EYS: variants seen among roughly 807,000 people sequenced by gnomAD.
EYS encodes protein eyes shut homolog.
In EYS, 250 loss-of-function variants were observed where a neutral mutation model predicts 282.1. The ratio of observed to expected loss-of-function variants is 0.89; its 90% confidence interval spans 0.80 to 0.98. The LOEUF is 0.98. Among genes scored for constraint, EYS ranks in the 50% least tolerant of loss-of-function variants. EYS has a pLI of 0.00. For synonymous variants in EYS, 1,355 were observed against 1,282.9 expected (o/e 1.06, Z -1.20); for missense variants, 4,016 against 3,709.0 (o/e 1.08, Z -2.15).
At chr6:64,621,967 G>A (rs904772561) in intron 23 of EYS, among the ~76,000 whole-genome samples, 2 of 151,916 alleles carry the variant, frequency 1.3e-5, no homozygotes, top group African/African-American at 4.8e-5. Flanking sequence ...GTACTATTTC[G>A]GCTAAAAACA....
chr6:63,727,226 T>G (rs1335385842), intron 41 of EYS, among the ~76,000 whole-genome samples: 2 of 152,050 alleles, frequency 1.3e-5, no homozygotes, highest in Non-Finnish European at 2.9e-5. Flanking sequence ...TTCTGCACAT[T>G]TGGCCAGTTT....
chr6:65,627,002 TTC>T (rs901058492), intron 2 of EYS, among the ~76,000 whole-genome samples: 1 of 138,764 alleles, frequency 7.2e-6, no homozygotes, highest in Non-Finnish European at 1.5e-5. Flanking sequence ...CTGCCTTTCT[TTC>T]TCTCTCTGCC....
chr6:64,401,206 A>T (rs987185099), intron 28 of EYS, among the ~76,000 whole-genome samples: 1 of 152,090 alleles, frequency 6.6e-6, no homozygotes, highest in East Asian at 1.9e-4. Flanking sequence ...TTGGAAATCA[A>T]CTCTCTCATC....
intron 31 of EYS, among the ~76,000 whole-genome samples, chr6:64,082,964 A>C (rs1772023739): frequency 6.6e-6 from 1 of 151,250 alleles, no homozygotes; most frequent in African/African-American, 2.4e-5. Flanking sequence ...ACTGAAGTGC[A>C]ATGGAGCAAT....
At chr6:65,293,155 T>C (rs551534479) in intron 12 of EYS, among the ~76,000 whole-genome samples, 1 of 151,402 alleles carries the variant, frequency 6.6e-6, no homozygotes, top group East Asian at 2.0e-4. Context: ...AGATGGTTAC[T>C]CAAATCAAGA....
chr6:64,836,621 A>C (rs1765391389), intron 19 of EYS, among the ~76,000 whole-genome samples: 1 of 151,582 alleles, frequency 6.6e-6, no homozygotes, highest in African/African-American at 2.4e-5. Context: ...AAAGATAAAA[A>C]TTTTCTATTG....
chr6:65,205,615 A>G (rs1439967303), intron 12 of EYS, among the ~76,000 whole-genome samples: 1 of 151,890 alleles, frequency 6.6e-6, no homozygotes, highest in Non-Finnish European at 1.5e-5. Flanking sequence ...TCTCATCTAC[A>G]CATGGAACAT....
In EYS at chr6:65,042,986, G is replaced by A. The variant is rs150463466; in HGVS notation, c.2137+14628C>T. On this transcript the variant is annotated intron_variant, in intron 13 of 42. Transcript: ENST00000503581. ...AACGTGAATGTGTATTAAATTTCCT[G>A]AGGGTCATGTGAAAATTCAATTTCT... Among the ~76,000 whole-genome samples, 263 of 151,570 alleles carry A rather than the reference G, an allele frequency of 1.7e-3. 3 individuals carry two copies. The highest frequency in any genetic ancestry group is 6.0e-3 in the African/African-American group (250 of 41,440).
chr6:63,910,222 C>T (rs1370349321), intron 35 of EYS, among the ~76,000 whole-genome samples: 1 of 152,090 alleles, frequency 6.6e-6, no homozygotes, highest in Non-Finnish European at 1.5e-5. Context: ...AAGACTTTCT[C>T]AAATAGAATA....
chr6:63,815,885 A>C (rs1312930785), intron 36 of EYS, among the ~76,000 whole-genome samples: 1 of 152,178 alleles, frequency 6.6e-6, no homozygotes, highest in East Asian at 1.9e-4. Context: ...GAAAAGCAAA[A>C]ATCTAATAAG....
chr6:65,648,028 T>TAAA, intron 1 of EYS, among the ~76,000 whole-genome samples: 1 of 49,322 alleles, frequency 2.0e-5, no homozygotes. Context: ...TAAAAAATAA[T>TAAA]AGATCTTGGC....
At chr6:65,646,244 A>C (rs1767446514) in intron 1 of EYS, among the ~76,000 whole-genome samples, 1 of 152,116 alleles carries the variant, frequency 6.6e-6, no homozygotes, top group African/African-American at 2.4e-5. Flanking sequence ...GAACAAAAAA[A>C]CTGCAGACCA....
At chr6:64,587,890 A>G (rs1344078265) in intron 26 of EYS, among the ~76,000 whole-genome samples, 1 of 152,040 alleles carries the variant, frequency 6.6e-6, no homozygotes, top group Non-Finnish European at 1.5e-5. Flanking sequence ...TATACCATTG[A>G]TTGATTTTTG....
At chr6:65,036,651 G>A (rs933390285) in intron 13 of EYS, among the ~76,000 whole-genome samples, 3 of 150,090 alleles carry the variant, frequency 2.0e-5, no homozygotes, top group Non-Finnish European at 4.4e-5. Flanking sequence ...ATTGAAAAAT[G>A]GGCAAAGGAC....
chr6:65,343,975 T>TA, intron 10 of EYS, 63 bp downstream of exon 10: 1 of 1,403,970 alleles, frequency 7.1e-7, no homozygotes, highest in Non-Finnish European at 1.0e-6. Context: ...TCTAACTTTC[T>TA]AAAAATCAGA....
At chr6:64,462,850 A>T (rs1479881079) in intron 26 of EYS, among the ~76,000 whole-genome samples, 1 of 151,710 alleles carries the variant, frequency 6.6e-6, no homozygotes, top group African/African-American at 2.4e-5. Flanking sequence ...TGCTAATTTT[A>T]ATTATTCTAT....
At chr6:63,949,008 C>G (rs1381672642) in intron 35 of EYS, among the ~76,000 whole-genome samples, 2 of 151,892 alleles carry the variant, frequency 1.3e-5, no homozygotes, top group Non-Finnish European at 2.9e-5. Context: ...AGTGTACTAC[C>G]TATAATATTT....
intron 29 of EYS, among the ~76,000 whole-genome samples, chr6:64,350,882 G>T (rs940376516): frequency 6.6e-6 from 1 of 151,378 alleles, no homozygotes; most frequent in Admixed American, 6.6e-5. Flanking sequence ...CCCCCATGCT[G>T]TTCTTGTAAT....
intron 19 of EYS, among the ~76,000 whole-genome samples, chr6:64,869,751 G>C (rs1362455043): frequency 6.6e-6 from 1 of 151,650 alleles, no homozygotes; most frequent in Non-Finnish European, 1.5e-5. Context: ...AGATAAAGCA[G>C]ATTATAAAAG....
Sources: allele counts gnomAD v4.1 joint callset (sites outside exome capture counted in the v4.1 genomes callset), GRCh38; gene constraint gnomAD v4.1.1; transcripts MANE v1.5; gene names NCBI Gene and HGNC (gene_info 2026-07-23, HGNC 2026-07-21).